PCDH15: variants seen among roughly 807,000 people sequenced by gnomAD.
The protein encoded by PCDH15 is protocadherin-15.
In PCDH15, 129 loss-of-function variants were observed where a neutral mutation model predicts 178.5. That is an observed-to-expected ratio of 0.72 (90% CI 0.63 to 0.84). The LOEUF is 0.84. Ranked by LOEUF, PCDH15 falls within the 40% of genes least tolerant of loss-of-function variation. The probability of loss-of-function intolerance (pLI) is 0.00; values close to 1 mark genes in which losing one functional copy is unlikely to be tolerated. For synonymous variants in PCDH15, 800 were observed against 732.0 expected, an observed-to-expected ratio of 1.09 and a Z score of -1.50; for missense variants, 2,230 against 2,099.9, an observed-to-expected ratio of 1.06 and a Z score of -1.21.
intron 3 of PCDH15, among the ~76,000 whole-genome samples, chr10:54,893,960 G>A (rs1339309099): frequency 6.6e-6 from 1 of 152,032 alleles, no homozygotes; most frequent in East Asian, 1.9e-4. Context: ...CTGATCACTG[G>A]AAAAGCAGCG....
intron 2 of PCDH15, among the ~76,000 whole-genome samples, chr10:54,601,420 C>T (rs1374347154): frequency 1.3e-5 from 2 of 151,036 alleles, no homozygotes; most frequent in Non-Finnish European, 3.0e-5. Flanking sequence ...TACTTGCAGC[C>T]AAAAAAAAGT....
chr10:55,144,822 T>A (rs544591041), intron 2 of PCDH15, among the ~76,000 whole-genome samples: 1 of 144,154 alleles, frequency 6.9e-6, no homozygotes, highest in Non-Finnish European at 1.6e-5. Flanking sequence ...ATATACTTTT[T>A]AAATGATTTT....
chr10:55,160,615 C>T lies in PCDH15; in HGVS notation c.-80+5961G>A, dbSNP rs188367985. Among the ~76,000 whole-genome samples, 309 of 152,108 alleles carry T rather than the reference C, an allele frequency of 2.0e-3. 2 individuals are homozygous for T. Among genetic ancestry groups the T allele is most frequent in the South Asian group, 4.8e-3 (23 of 4,822 alleles). On this transcript the variant is annotated intron_variant, in intron 2 of 5. Coordinates refer to the PCDH15 transcript ENST00000458638. ...ATGAAAGGAGTCCCTATCATGCTAA[C>T]GTTCTTCAGCACCTTTGCATTTCTG... is the stretch of plus-strand genomic sequence containing the variant.
At chr10:55,096,514 T>G (rs1230343545) in intron 2 of PCDH15, among the ~76,000 whole-genome samples, 1 of 152,126 alleles carries the variant, frequency 6.6e-6, no homozygotes, top group East Asian at 1.9e-4. Flanking sequence ...TAAGATCTAC[T>G]TTTAGCAAAT....
chr10:54,909,239 C>A (rs1281971189), intron 2 of PCDH15, among the ~76,000 whole-genome samples: 1 of 152,150 alleles, frequency 6.6e-6, no homozygotes, highest in Non-Finnish European at 1.5e-5. Flanking sequence ...CCTTCCCTGG[C>A]TTGAAGGTGG....
chr10:54,716,749 G>GA (rs1279881448), intron 1 of PCDH15, among the ~76,000 whole-genome samples: 2 of 151,694 alleles, frequency 1.3e-5, no homozygotes, highest in African/African-American at 2.4e-5. Flanking sequence ...CACAGAACTG[G>GA]AAAAAACTAC....
At chr10:55,051,744 T>C (rs893848772) in intron 2 of PCDH15, among the ~76,000 whole-genome samples, 5 of 152,154 alleles carry the variant, frequency 3.3e-5, no homozygotes, top group Non-Finnish European at 7.4e-5. Context: ...TTGCCCAAAG[T>C]CAGATAGTGA....
At chr10:54,620,774 A>G (rs76881532) in intron 2 of PCDH15, among the ~76,000 whole-genome samples, 5,164 of 152,150 alleles carry the variant, frequency 0.034, 272 homozygotes, top group African/African-American at 0.11. Context: ...ATAGAATTGC[A>G]ATGTGTAAGA....
intron 26 of PCDH15, among the ~76,000 whole-genome samples, chr10:53,879,015 A>G (rs1030305030): frequency 6.6e-6 from 1 of 152,142 alleles, no homozygotes; most frequent in Non-Finnish European, 1.5e-5. Flanking sequence ...AACCTAAATC[A>G]AGGTTAGCTG....
At chr10:55,297,945 A>G (rs1265647385) in intron 1 of PCDH15, among the ~76,000 whole-genome samples, 1 of 152,070 alleles carries the variant, frequency 6.6e-6, no homozygotes, top group Non-Finnish European at 1.5e-5. Flanking sequence ...TGACCATTCT[A>G]GAAGTAAAGC....
intron 9 of PCDH15, among the ~76,000 whole-genome samples, chr10:54,230,270 TATA>T (rs2053909609): frequency 1.3e-5 from 2 of 152,158 alleles, no homozygotes; most frequent in Non-Finnish European, 2.9e-5. Context: ...TTTAAGGTTA[TATA>T]ATGTTTGAAA....
intron 2 of PCDH15, among the ~76,000 whole-genome samples, chr10:54,593,189 C>T (rs1037791585): frequency 5.3e-5 from 8 of 152,022 alleles, no homozygotes; most frequent in Non-Finnish European, 7.4e-5. Context: ...AATTCCACTT[C>T]TATACTTTTG....
chr10:54,043,805 T>C (rs2093601200), intron 18 of PCDH15, among the ~76,000 whole-genome samples: 2 of 152,140 alleles, frequency 1.3e-5, no homozygotes, highest in South Asian at 2.1e-4. Flanking sequence ...CAAAAAAACA[T>C]ACTGATTCTC....
chr10:55,454,157 A>T (rs1393061978), intron 2 of PCDH15, among the ~76,000 whole-genome samples: 3 of 152,086 alleles, frequency 2.0e-5, no homozygotes, highest in Non-Finnish European at 4.4e-5. Flanking sequence ...ACAAATCTGC[A>T]CATTATTATT....
intron 1 of PCDH15, among the ~76,000 whole-genome samples, chr10:55,257,352 A>T (rs1842025630): frequency 6.6e-6 from 1 of 152,228 alleles, no homozygotes; most frequent in Non-Finnish European, 1.5e-5. Context: ...CTTCACCAGC[A>T]ACGGAACAAA....
At chr10:55,407,222 T>C (rs1838219743) in intron 2 of PCDH15, among the ~76,000 whole-genome samples, 1 of 152,160 alleles carries the variant, frequency 6.6e-6, no homozygotes, top group Non-Finnish European at 1.5e-5. Context: ...AATACCTCCT[T>C]TTTTAACTTA....
At chr10:55,563,488 CA>C (rs1226160498) in intron 2 of PCDH15, among the ~76,000 whole-genome samples, 2 of 151,282 alleles carry the variant, frequency 1.3e-5, no homozygotes, top group African/African-American at 4.9e-5. Flanking sequence ...AAAATAATAA[CA>C]AAAACAGCAA....
At chr10:54,813,659 ACAAT>A (rs1248782231) in intron 3 of PCDH15, among the ~76,000 whole-genome samples, 2 of 152,278 alleles carry the variant, frequency 1.3e-5, no homozygotes, top group East Asian at 1.9e-4. Flanking sequence ...TCTGTGTACC[ACAAT>A]CATTGTTCTT....
intron 15 of PCDH15, among the ~76,000 whole-genome samples, chr10:54,128,859 T>C (rs995932879): frequency 9.2e-5 from 14 of 152,176 alleles, no homozygotes; most frequent in African/African-American, 3.4e-4. Flanking sequence ...AAATTGTATA[T>C]ATTTTAAACA....
Sources: gnomAD v4.1 joint callset for allele counts (sites outside exome capture counted in the v4.1 genomes callset) on GRCh38, gnomAD v4.1.1 for gene constraint, MANE v1.5 for transcripts, NCBI Gene and HGNC (gene_info 2026-07-23, HGNC 2026-07-21) for gene names.